The following SCOC variants were observed in gnomAD, a reference collection of about 807,000 sequenced individuals.
The protein encoded by SCOC is short coiled-coil protein, also known as short coiled coil protein.
In SCOC, 7 loss-of-function variants were observed where a neutral mutation model predicts 9.9. That is an observed-to-expected ratio of 0.71 (90% CI 0.40 to 1.33). The LOEUF (loss-of-function observed/expected upper bound fraction) is 1.33. SCOC is among the 40% of genes most tolerant of loss of function. The pLI, the probability that SCOC is intolerant of heterozygous loss-of-function variation, is 0.01. For missense variants in SCOC, 66 were observed against 89.7 expected, an observed-to-expected ratio of 0.74 and a Z score of 1.07; for synonymous variants, 19 against 28.2, an observed-to-expected ratio of 0.67 and a Z score of 1.03.
chr4:140,287,582 T>C (rs567374857), intron 1 of SCOC, among the ~76,000 whole-genome samples: 3 of 151,804 alleles, frequency 2.0e-5, no homozygotes, highest in South Asian at 2.1e-4. Context: ...TGCACATGCA[T>C]ATACCATATA....
intron 1 of SCOC, among the ~76,000 whole-genome samples, chr4:140,319,561 A>G (rs969330519): frequency 6.6e-6 from 1 of 152,172 alleles, no homozygotes; most frequent in African/African-American, 2.4e-5. Flanking sequence ...TTTTTATACC[A>G]TCTTTACTAG....
chr4:140,318,841 C>T (rs1732409682), intron 1 of SCOC, among the ~76,000 whole-genome samples: 1 of 152,158 alleles, frequency 6.6e-6, no homozygotes, highest in Non-Finnish European at 1.5e-5. Context: ...AAAAGCCCTT[C>T]CTTCTTTAAC....
At chr4:140,315,420 T>G (rs1402257937) in intron 1 of SCOC, among the ~76,000 whole-genome samples, 2 of 152,218 alleles carry the variant, frequency 1.3e-5, no homozygotes, top group Non-Finnish European at 2.9e-5. Flanking sequence ...AGTAAGTGAC[T>G]GGAGATCACC....
chr4:140,276,579 C>T (rs1224502911), intron 1 of SCOC, among the ~76,000 whole-genome samples: 1 of 152,094 alleles, frequency 6.6e-6, no homozygotes, highest in Non-Finnish European at 1.5e-5. Context: ...CGTCAGCCTC[C>T]TAACTAGCTG....
chr4:140,293,378 G>A (rs1016247228), intron 1 of SCOC: 1 of 456,940 alleles, frequency 2.2e-6, no homozygotes, highest in East Asian at 7.0e-5. Context: ...TCTGAGCAGG[G>A]CACGCCAAGA....
At chr4:140,370,742 T>C (rs1728017617), upstream of SCOC, among the ~76,000 whole-genome samples, 1 of 152,228 alleles carries the variant, frequency 6.6e-6, no homozygotes, top group Non-Finnish European at 1.5e-5. Flanking sequence ...TATCTAATTG[T>C]TTTAATGTTA....
chr4:140,257,682 A>C (rs1043498412), intron 1 of SCOC, among the ~76,000 whole-genome samples: 2 of 152,178 alleles, frequency 1.3e-5, no homozygotes, highest in Non-Finnish European at 2.9e-5. Context: ...TAGCTCTCAT[A>C]AGTTCATTGT....
At chr4:140,272,623 A>G (rs1317162878) in intron 1 of SCOC, among the ~76,000 whole-genome samples, 1 of 152,232 alleles carries the variant, frequency 6.6e-6, no homozygotes. Context: ...GCGCCTGGCC[A>G]TATTAGGCAC....
chr4:140,332,121 C>T (rs1186667453), intron 1 of SCOC, among the ~76,000 whole-genome samples: 3 of 152,084 alleles, frequency 2.0e-5, no homozygotes, highest in Non-Finnish European at 2.9e-5. Context: ...TAGAAACCGC[C>T]CCCGTGATCC....
In SCOC at chr4:140,323,780, G is replaced by A. The variant is rs151276344; in HGVS notation, c.-18-19841G>A. On this transcript the variant is annotated intron_variant, in intron 1 of 4. Transcript: ENST00000394205. ...GGAAACTCCTAGCCTAGATGGTTTC[G>A]CTGATAAAATCTACAAAACACTTAA... Among the ~76,000 whole-genome samples, 25 of 152,150 alleles carry A rather than the reference G, an allele frequency of 1.6e-4. No individual in the cohort carries two copies. In the East Asian group the frequency reaches 2.9e-3, roughly 18 times the overall value.
chr4:140,311,930 C>G (rs1487805355), intron 1 of SCOC, among the ~76,000 whole-genome samples: 1 of 152,248 alleles, frequency 6.6e-6, no homozygotes, highest in African/African-American at 2.4e-5. Flanking sequence ...CTTGAGGATG[C>G]ATCTTTAGAA....
At chr4:140,297,446 A>G (rs1002124122) in intron 1 of SCOC, among the ~76,000 whole-genome samples, 3 of 152,120 alleles carry the variant, frequency 2.0e-5, no homozygotes, top group Non-Finnish European at 4.4e-5. Context: ...ACTCAAAATT[A>G]TAAGGTAGAC....
At chr4:140,307,327 T>C (rs1162308451) in intron 1 of SCOC, among the ~76,000 whole-genome samples, 1 of 152,186 alleles carries the variant, frequency 6.6e-6, no homozygotes, top group Non-Finnish European at 1.5e-5. Context: ...AAATCAGTGT[T>C]GTTCTGCAGG....
At chr4:140,264,216 C>A (rs1168387488) in intron 1 of SCOC, among the ~76,000 whole-genome samples, 1 of 152,118 alleles carries the variant, frequency 6.6e-6, no homozygotes. Flanking sequence ...GTTGCTCCGG[C>A]TGGTCTTGAA....
chr4:140,381,302 A>G lies in SCOC; in HGVS notation c.*198A>G. On this transcript the variant is annotated 3_prime_UTR_variant, in exon 4 of 4. Coordinates refer to ENST00000608372, the MANE Select transcript of SCOC (RefSeq NM_001153484.2). ...TATGTTAGTCTATGAAAACGTGCAAATGTATTGTAGAGACTTTATGATTAG... is the reference window on the plus strand; with the variant it reads ...TATGTTAGTCTATGAAAACGTGCAAGTGTATTGTAGAGACTTTATGATTAG... 2.2e-6 allele frequency: 1 copy of G among 463,450 alleles called. No individual in the cohort carries two copies. The allele number at this position is 463,450 out of a possible 1,614,324, so 28.7% of individuals were successfully genotyped here. A position where few individuals can be genotyped will look rare whatever the true frequency, so the allele number is the denominator to read the frequency against.
chr4:140,343,603 C>T (rs1194141007), intron 1 of SCOC: 4 of 1,566,074 alleles, frequency 2.6e-6, no homozygotes, highest in Non-Finnish European at 3.5e-6. Flanking sequence ...TCTCTGCCCT[C>T]ATTTTTCTTA....
intron 2 of SCOC, among the ~76,000 whole-genome samples, chr4:140,352,830 G>A (rs1441588756): frequency 6.6e-6 from 1 of 152,104 alleles, no homozygotes; most frequent in East Asian, 1.9e-4. Context: ...AAAAGGGAGG[G>A]GGGCATTAGA....
At chr4:140,265,770 A>G (rs992363570) in intron 1 of SCOC, among the ~76,000 whole-genome samples, 24 of 152,236 alleles carry the variant, frequency 1.6e-4, no homozygotes, top group African/African-American at 5.3e-4. Flanking sequence ...ACTACCCTCA[A>G]TAATCTTGAA....
At chr4:140,341,709 T>C (rs1726516747), upstream of SCOC, among the ~76,000 whole-genome samples, 1 of 151,938 alleles carries the variant, frequency 6.6e-6, no homozygotes, top group Non-Finnish European at 1.5e-5. Context: ...CTACAGGGAG[T>C]GTAACTAATC....
Sources: allele counts gnomAD v4.1 joint callset (sites outside exome capture counted in the v4.1 genomes callset), GRCh38; gene constraint gnomAD v4.1.1; transcripts MANE v1.5; gene names NCBI Gene and HGNC (gene_info 2026-07-23, HGNC 2026-07-21).